GLE1: variants seen among roughly 807,000 people sequenced by gnomAD.
GLE1 encodes the protein GLE1 RNA export mediator.
GLE1 carries 78 observed loss-of-function variants against 97.3 expected under a neutral mutation model. The observed-to-expected ratio is 0.80, with a 90% CI of 0.67 to 0.97. GLE1 has a LOEUF of 0.97. Ranked by LOEUF, GLE1 falls within the 50% of genes least tolerant of loss-of-function variation. The pLI is 0.00. For missense variants in GLE1, 753 were observed against 857.5 expected, an observed-to-expected ratio of 0.88 and a Z score of 1.52; for synonymous variants, 302 against 313.4, an observed-to-expected ratio of 0.96 and a Z score of 0.39.
In GLE1 at chr9:128,523,854, G is replaced by A; in HGVS notation, c.897+8G>A. On this transcript the variant is annotated splice_region_variant and intron_variant, in intron 6 of 15. Coordinates refer to ENST00000309971, the MANE Select transcript of GLE1 (RefSeq NM_001003722.2). ...ATCCGGGCCTCTTCAGAGGTGAGGG[G>A]GGCTTCAGAGTGACTCTTTGCTGTC... 1 of 1,613,748 alleles carries A rather than the reference G, an allele frequency of 6.2e-7. No homozygotes were observed. The highest frequency in any genetic ancestry group is 1.1e-5 in the South Asian group (1 of 91,044).
At chr9:128,514,826 CT>C (rs1379309819) in intron 2 of GLE1, among the ~76,000 whole-genome samples, 1 of 149,520 alleles carries the variant, frequency 6.7e-6, no homozygotes, top group Non-Finnish European at 1.5e-5. Flanking sequence ...GGTGCCTGGC[CT>C]TTTTTTTGAG....
chr9:128,522,578 G>A (rs931092100), intron 3 of GLE1, 90 bp from the exon 4 acceptor site: 7 of 1,388,472 alleles, frequency 5.0e-6, no homozygotes, highest in Non-Finnish European at 6.8e-6. Context: ...TTGAACCCGG[G>A]AGTTGGAGGT....
chr9:128,522,268 G>A (rs1436456492), intron 3 of GLE1, among the ~76,000 whole-genome samples: 2 of 152,214 alleles, frequency 1.3e-5, no homozygotes, highest in Non-Finnish European at 2.9e-5. Context: ...CTGATTCCAT[G>A]CCCTTAAGTA....
intron 2 of GLE1, among the ~76,000 whole-genome samples, chr9:128,510,490 G>A (rs901587261): frequency 1.4e-5 from 2 of 144,076 alleles, no homozygotes; most frequent in Non-Finnish European, 3.0e-5. Flanking sequence ...GCCTCCCAAA[G>A]TGCTGGGATT....
intron 1 of GLE1, 96 bp downstream of exon 1, chr9:128,505,000 G>A (rs1846600087): frequency 1.3e-6 from 1 of 792,766 alleles, no homozygotes; most frequent in Non-Finnish European, 2.2e-6. Flanking sequence ...GGGAACCCGT[G>A]CAGTCTAACA....
intron 2 of GLE1, 144 bp downstream of exon 2, chr9:128,509,241 C>T: frequency 1.4e-6 from 1 of 695,628 alleles, no homozygotes; most frequent in Non-Finnish European, 2.6e-6. Flanking sequence ...GTTGACAGCA[C>T]CATTCAGTGT....
intron 2 of GLE1, among the ~76,000 whole-genome samples, chr9:128,509,858 T>C (rs1846753818): frequency 6.6e-6 from 1 of 151,828 alleles, no homozygotes; most frequent in South Asian, 2.1e-4. Flanking sequence ...ACTTGGGACA[T>C]TGAGATGGGA....
chr9:128,533,815 G>A lies in GLE1; in HGVS notation c.1510G>A (p.Val504Ile), dbSNP rs1589070750. 7.4e-6 allele frequency: 12 copies of A among 1,614,104 alleles called. No individual in the cohort carries two copies. Among genetic ancestry groups the A allele is most frequent in the Non-Finnish European group, 1.0e-5 (12 of 1,179,938 alleles). ...CCATGAAGCAGCATTCCCCATTGCAGTTGTGGCATCCGGGATCTGGGAGCT... is the reference window on the plus strand; with the variant it reads ...CCATGAAGCAGCATTCCCCATTGCAATTGTGGCATCCGGGATCTGGGAGCT... The part of the protein sequence containing the change: ...SHHEAAFPIA[V>I]VASGIWELHP... Residue 504 changes from valine (V) to isoleucine (I), a missense_variant, in exon 11 of 16, where the codon GTT becomes ATT. Coordinates refer to ENST00000309971, the MANE Select transcript of GLE1 (RefSeq NM_001003722.2).
At chr9:128,524,932 CAT>C (rs1847259451) in intron 6 of GLE1, among the ~76,000 whole-genome samples, 1 of 152,062 alleles carries the variant, frequency 6.6e-6, no homozygotes, top group Non-Finnish European at 1.5e-5. Flanking sequence ...TTTTGTCTAA[CAT>C]ATTGTCACAA....
At chr9:128,512,910 A>T (rs1046326964) in intron 2 of GLE1, among the ~76,000 whole-genome samples, 1 of 152,164 alleles carries the variant, frequency 6.6e-6, no homozygotes, top group Non-Finnish European at 1.5e-5. Flanking sequence ...TGGCCTCCCA[A>T]CATGCTGGGA....
chr9:128,509,579 C>A (rs1432089220), intron 2 of GLE1, among the ~76,000 whole-genome samples: 2 of 151,634 alleles, frequency 1.3e-5, no homozygotes, highest in African/African-American at 4.9e-5. Context: ...TCAGAAGACC[C>A]CTCTCTCTCA....
intron 6 of GLE1, 27 bp downstream of exon 6, chr9:128,523,873 T>C (rs769069241): frequency 2.5e-6 from 4 of 1,612,860 alleles, no homozygotes; most frequent in Admixed American, 1.7e-5. Context: ...AGTGACTCTT[T>C]GCTGTCTTTG....
In GLE1 at chr9:128,533,755, T is replaced by C; in HGVS notation, c.1456-6T>C. On this transcript the variant is annotated splice_region_variant and splice_polypyrimidine_tract_variant and intron_variant, in intron 10 of 15. Coordinates refer to ENST00000309971, the MANE Select transcript of GLE1 (RefSeq NM_001003722.2). ...GTTAAAATTGTACCCACCTCTATGTTCTCAGAAACAAGGCGAGGAGGAAGT... is the reference window on the plus strand; with the variant it reads ...GTTAAAATTGTACCCACCTCTATGTCCTCAGAAACAAGGCGAGGAGGAAGT... 6.2e-7 allele frequency: 1 copy of C among 1,614,036 alleles called. No individual in the cohort carries two copies. Among genetic ancestry groups the C allele is most frequent in the Admixed American group, 1.7e-5 (1 of 60,012 alleles).
At chr9:128,516,303 T>G (rs1846985219) in intron 3 of GLE1, among the ~76,000 whole-genome samples, 1 of 150,940 alleles carries the variant, frequency 6.6e-6, no homozygotes, top group African/African-American at 2.4e-5. Context: ...TTTAATTAAT[T>G]TATTTGATTG....
At chr9:128,515,399 T>A (rs1846952143) in intron 2 of GLE1, 130 bp from the exon 3 acceptor site, 1 of 658,280 alleles carries the variant, frequency 1.5e-6, no homozygotes. Flanking sequence ...TGACCTAAAT[T>A]TTTTTTTTGC....
chr9:128,531,425 G>T (rs542268079), intron 9 of GLE1, among the ~76,000 whole-genome samples: 3 of 151,832 alleles, frequency 2.0e-5, no homozygotes, highest in Admixed American at 6.6e-5. Context: ...TACTCGGGAG[G>T]CTGAGGCAGG....
chr9:128,531,308 A>C (rs1847497773), intron 9 of GLE1, among the ~76,000 whole-genome samples: 1 of 151,392 alleles, frequency 6.6e-6, no homozygotes, highest in Non-Finnish European at 1.5e-5. Flanking sequence ...TGGGTGAATC[A>C]TAGGAGGTCA....
At chr9:128,520,416 ATATGTATATATGTATATATATG>A (rs1366215628) in intron 3 of GLE1, among the ~76,000 whole-genome samples, 3 of 148,000 alleles carry the variant, frequency 2.0e-5, no homozygotes, top group Non-Finnish European at 4.5e-5. Context: ...ATATGTATAT[ATATGTATATATGTATATATATG>A]TATATATATA....
chr9:128,517,833 G>T (rs1448647397), intron 3 of GLE1, among the ~76,000 whole-genome samples: 2 of 151,788 alleles, frequency 1.3e-5, no homozygotes, highest in Non-Finnish European at 2.9e-5. Flanking sequence ...CTTTTTCAGA[G>T]CATCTTATTC....
Sources: gnomAD v4.1 joint callset for allele counts (sites outside exome capture counted in the v4.1 genomes callset) on GRCh38, gnomAD v4.1.1 for gene constraint, MANE v1.5 for transcripts, NCBI Gene and HGNC (gene_info 2026-07-23, HGNC 2026-07-21) for gene names.